Variants in SULT1A1 observed in about 807,000 individuals in gnomAD.
SULT1A1 encodes sulfotransferase 1A1.
Under a neutral mutation model 36.8 loss-of-function variants are expected in SULT1A1, and 35 were observed. The observed-to-expected ratio is 0.95, with a 90% CI of 0.73 to 1.26. The LOEUF (loss-of-function observed/expected upper bound fraction) is 1.26. SULT1A1 is among the 50% of genes most tolerant of loss of function. SULT1A1 has a pLI of 0.00. For missense variants in SULT1A1, 309 were observed against 383.0 expected (o/e 0.81, Z 1.61); for synonymous variants, 119 against 146.0 (o/e 0.82, Z 1.33).
chr16:28,610,500 C>T (rs1444192912), upstream of SULT1A1: 6 of 317,282 alleles, frequency 1.9e-5, no homozygotes, highest in Non-Finnish European at 2.5e-5. Context: ...CCCACAGGCC[C>T]CCAGCAGCCC....
exon 2 of SULT1A1, chr16:28,620,116 C>T: frequency 6.2e-7 from 1 of 1,612,676 alleles, no homozygotes; most frequent in Non-Finnish European, 8.5e-7. Flanking sequence ...TCATCCTTTC[C>T]CTGGAGAATG....
At chr16:28,622,465 T>C (rs1185098634) in intron 1 of SULT1A1, among the ~76,000 whole-genome samples, 1 of 152,132 alleles carries the variant, frequency 6.6e-6, no homozygotes, top group Non-Finnish European at 1.5e-5. Flanking sequence ...TATATAGTCC[T>C]CTATGGCAAG....
At position 28,607,088 on chromosome 16, in the gene SULT1A1, A is replaced by G; in HGVS notation, c.373-11T>C. On this transcript the variant is annotated splice_polypyrimidine_tract_variant and intron_variant, in intron 4 of 7. Coordinates refer to ENST00000314752, the MANE Select transcript of SULT1A1 (RefSeq NM_001055.4). ...GGCAACATAGACCACCTGCAGGGGCAGAAGACTCAACCCCAGCACCATCAC... is the reference window on the plus strand; with the variant it reads ...GGCAACATAGACCACCTGCAGGGGCGGAAGACTCAACCCCAGCACCATCAC... 6.2e-7 allele frequency: 1 copy of G among 1,611,952 alleles called. No homozygotes were observed. Among genetic ancestry groups the G allele is most frequent in the Non-Finnish European group, 8.5e-7 (1 of 1,178,316 alleles).
chr16:28,606,705 TG>T, intron 6 of SULT1A1, 55 bp downstream of exon 6: 1 of 1,598,334 alleles, frequency 6.3e-7, no homozygotes, highest in Non-Finnish European at 8.5e-7. Flanking sequence ...GGCGGGTCCC[TG>T]TGAGGTGCCT....
chr16:28,607,223 A>G (rs910669263), intron 4 of SULT1A1, 146 bp from the exon 5 acceptor site: 3 of 1,427,616 alleles, frequency 2.1e-6, no homozygotes, highest in African/African-American at 2.8e-5. Flanking sequence ...CCAAGTCAGG[A>G]GCTGAACCCT....
Position 28,608,708 on chromosome 16 carries a change from C to T in SULT1A1, c.148G>A (p.Gly50Ser), listed in dbSNP as rs369692454. 235 of 1,612,726 alleles carry T rather than the reference C, an allele frequency of 1.5e-4. No individual in the cohort carries two copies. The highest frequency in any genetic ancestry group is 1.2e-3 in the Middle Eastern group (7 of 5,948). Residue 50 changes from glycine to serine, a missense_variant and splice_region_variant, in exon 2 of 8, where the codon GGC becomes AGC. By Grantham distance (56) the Gly-to-Ser change is moderately conservative. Around this residue, in one of 3 missense-constraint regions of SULT1A1, gnomAD observed 219 missense variants for 215.3 expected, o/e 1.02. Transcript: ENST00000314752. ...AGGGTGGGTGGCCCTCCTCACTTACCGGACTTGGGGTAGGTGCTGATGAGC... is the reference window on the plus strand; with the variant it reads ...AGGGTGGGTGGCCCTCCTCACTTACTGGACTTGGGGTAGGTGCTGATGAGC... ...DLLISTYPKSGTTWVSQILDM... is the reference protein window; with the variant it reads ...DLLISTYPKSSTTWVSQILDM...
intron 2 of SULT1A1, among the ~76,000 whole-genome samples, chr16:28,616,298 T>C (rs1429702436): frequency 6.6e-6 from 1 of 152,362 alleles, no homozygotes; most frequent in East Asian, 1.9e-4. Context: ...GATCTATATC[T>C]GGTATAACTA....
chr16:28,608,608 A>T lies in SULT1A1; in HGVS notation c.149-5T>A, dbSNP rs778266974. On this transcript the variant is annotated splice_polypyrimidine_tract_variant and splice_region_variant and intron_variant, in intron 2 of 7. Transcript: ENST00000314752. ...TCTGGCTTACCCAGGTAGTGCCTGG[A>T]GAGGGAGGGAGATGGGAGGTGAGCA... 2 of 1,611,764 alleles carry T rather than the reference A, an allele frequency of 1.2e-6. No homozygotes were observed. Among genetic ancestry groups the T allele is most frequent in the East Asian group, 4.5e-5 (2 of 44,858 alleles).
chr16:28,617,432 A>G (rs1186187741), intron 2 of SULT1A1, among the ~76,000 whole-genome samples: 2 of 152,066 alleles, frequency 1.3e-5, no homozygotes, highest in East Asian at 3.8e-4. Context: ...TTATCTATCT[A>G]TCCCACTAGA....
At chr16:28,610,251 GTTTTTTTTTTCTGTT>G, upstream of SULT1A1, 6 of 583,970 alleles carry the variant, frequency 1.0e-5, no homozygotes, top group East Asian at 4.2e-4. Flanking sequence ...GTTTTTGTAG[GTTTTTTTTTTCTGTT>G]TTTTTTTTTT....
upstream of SULT1A1, chr16:28,610,873 T>G (rs112152318): frequency 7.2e-5 from 11 of 152,322 alleles, no homozygotes; most frequent in African/African-American, 9.6e-5. Context: ...GGTCAAGCTG[T>G]GCACGAGACA....
chr16:28,611,087 A>C (rs369558709), upstream of SULT1A1: 204 of 152,462 alleles, frequency 1.3e-3, no homozygotes, highest in South Asian at 0.029. Context: ...GCAGGTCCTC[A>C]GGCTACTAGC....
Position 28,605,843 on chromosome 16 carries a change from AG to A in SULT1A1, c.865del (p.Leu289SerfsTer30). 1 of 1,608,636 alleles carries A rather than the reference AG, an allele frequency of 6.2e-7. No homozygotes were observed. The highest frequency in any genetic ancestry group is 8.5e-7 in the Non-Finnish European group (1 of 1,177,446). The stretch of plus-strand genomic sequence containing the variant: ...CTCTCACAGCTCAGAGCGGAAGCTG[AG>A]GCTGCAGCCTGCCATCTTCTCCGCA... ...DYAEKMAGCS[L>X]SFRSEL On this transcript the variant is annotated frameshift_variant, in exon 8 of 8. Transcript: ENST00000314752. LOFTEE classifies it high-confidence loss of function.
intron 6 of SULT1A1, among the ~76,000 whole-genome samples, 193 bp downstream of exon 6, chr16:28,606,568 G>A (rs1169660442): frequency 2.0e-5 from 3 of 151,428 alleles, no homozygotes; most frequent in Non-Finnish European, 3.0e-5. Context: ...ACTCAGGTGC[G>A]AGAGATGAGA....
intron 1 of SULT1A1, chr16:28,620,263 C>T (rs1337863082): frequency 2.3e-5 from 21 of 896,096 alleles, no homozygotes; most frequent in South Asian, 3.4e-5. Flanking sequence ...CCCTCTGATC[C>T]TACAGTGAAA....
At chr16:28,620,750 A>G (rs1260039174) in intron 1 of SULT1A1, among the ~76,000 whole-genome samples, 1 of 152,166 alleles carries the variant, frequency 6.6e-6, no homozygotes, top group Admixed American at 6.5e-5. Context: ...ACTTTTCTCT[A>G]CCTTCCAAAC....
chr16:28,623,043 C>T (rs1217309393), intron 1 of SULT1A1: 3 of 1,495,850 alleles, frequency 2.0e-6, no homozygotes, highest in African/African-American at 2.8e-5. Context: ...CCTGCAGCGC[C>T]CTCCCTCCAG....
At chr16:28,610,264 G>GTTTTGTTT (rs2047398667), upstream of SULT1A1, 1 of 314,074 alleles carries the variant, frequency 3.2e-6, no homozygotes, top group Admixed American at 1.0e-4. Flanking sequence ...TTTTTTTTCT[G>GTTTTGTTT]TTTTTTTTTT....
In SULT1A1 at chr16:28,606,085, T is replaced by C. The variant is rs2047168941; in HGVS notation, c.746A>G (p.Asp249Gly). 6.6e-7 allele frequency: 1 copy of C among 1,524,492 alleles called. No homozygotes were observed. Among genetic ancestry groups the C allele is most frequent in the Non-Finnish European group, 8.9e-7 (1 of 1,124,824 alleles). 94.4% of individuals were successfully genotyped at this position (1,524,492 alleles called of 1,614,324 possible). A position where few individuals can be genotyped will look rare whatever the true frequency, so the allele number is the denominator to read the frequency against. ...NYTTVPQEFM[D>G]HSISPFMRKG... Reference sequence around the variant, plus strand: ...CCTCATGAAGGGGGAGATGCTGTGGTCCATGAACTCCTGGGGGACGGTGGT... The same window carrying C: ...CCTCATGAAGGGGGAGATGCTGTGGCCCATGAACTCCTGGGGGACGGTGGT... Residue 249 changes from aspartate to glycine, a missense_variant, in exon 7 of 8, where the codon GAC becomes GGC. Physicochemically the swap from Asp to Gly is moderately conservative, Grantham distance 94. Coordinates refer to ENST00000314752, the MANE Select transcript of SULT1A1 (RefSeq NM_001055.4).
Sources: gnomAD v4.1 joint callset for allele counts (sites outside exome capture counted in the v4.1 genomes callset) on GRCh38, gnomAD v4.1.1 for gene constraint, gnomAD v4.1.1 regional missense constraint, MANE v1.5 for transcripts, NCBI Gene and HGNC (gene_info 2026-07-23, HGNC 2026-07-21) for gene names.